Variants in SLC35F3 observed in about 807,000 individuals in gnomAD.
SLC35F3 encodes putative thiamine transporter SLC35F3.
In SLC35F3, 25 loss-of-function variants were observed where a neutral mutation model predicts 49.9. The ratio of observed to expected loss-of-function variants is 0.50; its 90% CI spans 0.37 to 0.70. The LOEUF is 0.70. Ranked by LOEUF, SLC35F3 falls within the 30% of genes least tolerant of loss-of-function variation. The pLI is 0.00. For synonymous variants in SLC35F3, 275 were observed against 265.4 expected (o/e 1.04, Z -0.35); for missense variants, 525 against 639.8 (o/e 0.82, Z 1.94).
At chr1:234,049,159 T>C (rs550559865) in intron 2 of SLC35F3, among the ~76,000 whole-genome samples, 56 of 152,316 alleles carry the variant, frequency 3.7e-4, no homozygotes, top group African/African-American at 1.3e-3. Flanking sequence ...AATTTTGCAT[T>C]TGAGAAGGAC....
At chr1:234,157,193 T>C (rs1023052587) in intron 2 of SLC35F3, among the ~76,000 whole-genome samples, 4 of 152,202 alleles carry the variant, frequency 2.6e-5, no homozygotes, top group Non-Finnish European at 4.4e-5. Context: ...AAAATCTGTA[T>C]GTTTTACCTC....
intron 2 of SLC35F3, among the ~76,000 whole-genome samples, chr1:234,157,889 C>G (rs567622690): frequency 1.4e-4 from 21 of 152,174 alleles, no homozygotes; most frequent in African/African-American, 5.1e-4. Flanking sequence ...TGTTGTTTGA[C>G]TTTTTTTTCT....
chr1:234,116,355 A>T (rs11588938), intron 2 of SLC35F3, among the ~76,000 whole-genome samples: 21,065 of 152,166 alleles, frequency 0.14, 3,190 homozygotes, highest in East Asian at 0.81. Context: ...CTGTGTGCCA[A>T]GACTCAGTCA....
chr1:233,966,869 G>A (rs1662913685), intron 2 of SLC35F3, among the ~76,000 whole-genome samples: 1 of 152,202 alleles, frequency 6.6e-6, no homozygotes, highest in South Asian at 2.1e-4. Flanking sequence ...TGGAGGCAAA[G>A]CATCAGTGCT....
At chr1:234,211,402 A>G (rs1273574251) in intron 2 of SLC35F3, among the ~76,000 whole-genome samples, 2 of 152,222 alleles carry the variant, frequency 1.3e-5, no homozygotes, top group Non-Finnish European at 2.9e-5. Flanking sequence ...CTGTGCCTGG[A>G]AAAGCCACAG....
chr1:234,199,604 C>T (rs1350363350), intron 2 of SLC35F3, among the ~76,000 whole-genome samples: 1 of 152,102 alleles, frequency 6.6e-6, no homozygotes, highest in African/African-American at 2.4e-5. Flanking sequence ...TTGGTTGACT[C>T]CAAAAGCATA....
chr1:234,284,716 G>A (rs1668390049), intron 3 of SLC35F3, among the ~76,000 whole-genome samples: 1 of 152,152 alleles, frequency 6.6e-6, no homozygotes, highest in African/African-American at 2.4e-5. Flanking sequence ...CCTTCCAAAT[G>A]CAGGCATCCA....
intron 3 of SLC35F3, among the ~76,000 whole-genome samples, chr1:234,247,722 C>T (rs1433611186): frequency 6.7e-6 from 1 of 149,990 alleles, no homozygotes; most frequent in Non-Finnish European, 1.5e-5. Context: ...TTGGCTGGTC[C>T]ATTGTTTGGT....
rs374192783 is a variant in SLC35F3 at position 233,962,519 on chromosome 1, C to G, written c.283+56761C>G. Among the ~76,000 whole-genome samples, 35 of 152,312 alleles carry G rather than the reference C, an allele frequency of 2.3e-4. No individual in the cohort carries two copies. The South Asian group carries it at 6.4e-3, about 28-fold the overall frequency. ...AAATTAAGTCCAATGGAATCTTGCT[C>G]TTTGTGAGGGGCTTATATGCAGAGT... On this transcript the variant is annotated intron_variant, in intron 2 of 7. Coordinates refer to ENST00000366618, the MANE Select transcript of SLC35F3 (RefSeq NM_173508.4).
intron 2 of SLC35F3, among the ~76,000 whole-genome samples, chr1:233,959,701 C>G (rs1662761884): frequency 6.6e-6 from 1 of 152,178 alleles, no homozygotes; most frequent in African/African-American, 2.4e-5. Flanking sequence ...TCTTTCTTAT[C>G]TTCTAAGTTT....
intron 2 of SLC35F3, among the ~76,000 whole-genome samples, chr1:234,140,109 C>T (rs188479857): frequency 5.3e-5 from 8 of 151,858 alleles, no homozygotes; most frequent in East Asian, 3.9e-4. Context: ...ATGGATATGC[C>T]GGACAAAGGG....
At chr1:234,042,365 T>C (rs1664233887) in intron 2 of SLC35F3, among the ~76,000 whole-genome samples, 1 of 152,200 alleles carries the variant, frequency 6.6e-6, no homozygotes, top group African/African-American at 2.4e-5. Flanking sequence ...ATTCTGTCTC[T>C]AAAGAAAGGC....
Position 234,316,723 on chromosome 1 carries a change from A to G in SLC35F3, c.950A>G (p.Tyr317Cys). Residue 317 changes from tyrosine (Y) to cysteine (C), a missense_variant, in exon 5 of 8, where the codon TAC becomes TGC. By Grantham distance (194) the Tyr-to-Cys change is radical. This residue lies in a region of SLC35F3 where 216 missense variants were observed against 298.1 expected (regional missense o/e 0.72). Coordinates refer to ENST00000366618, the MANE Select transcript of SLC35F3 (RefSeq NM_173508.4). ...VVASASMSAL[Y>C]KVLFKLLLGS... ...GCCTCAGCATCGATGTCTGCCCTCT[A>G]CAAGGTACGCCCGGGGAGTGAACTT... 1.2e-6 allele frequency: 2 copies of G among 1,606,486 alleles called. No individual in the cohort carries two copies. Among genetic ancestry groups the G allele is most frequent in the South Asian group, 1.1e-5 (1 of 90,840 alleles).
chr1:234,019,236 T>A (rs1663853839), intron 2 of SLC35F3, among the ~76,000 whole-genome samples: 1 of 152,160 alleles, frequency 6.6e-6, no homozygotes, highest in Non-Finnish European at 1.5e-5. Flanking sequence ...AGGAAGCATG[T>A]CTCTCCTGAA....
rs1034513619 is a variant in SLC35F3, at chr1:234,295,925, ACT to A, written c.609-13173_609-13172del. On this transcript the variant is annotated intron_variant, in intron 3 of 7. Coordinates refer to ENST00000366618, the MANE Select transcript of SLC35F3 (RefSeq NM_173508.4). Reference sequence around the variant, plus strand: ...AAAGGAGCCAAGTAAAGGTCCACACACTCTGCTGTGTCTTCTCCACTCTGGGA... The same window carrying A: ...AAAGGAGCCAAGTAAAGGTCCACACACTGCTGTGTCTTCTCCACTCTGGGA... Among the ~76,000 whole-genome samples the A allele has an allele frequency of 7.2e-5, 11 of 152,072 alleles. 1 individual carries two copies. The highest frequency in any genetic ancestry group is 6.5e-4 in the Admixed American group (10 of 15,278).
At chr1:233,993,990 A>C (rs1663409332) in intron 2 of SLC35F3, among the ~76,000 whole-genome samples, 1 of 152,208 alleles carries the variant, frequency 6.6e-6, no homozygotes, top group Admixed American at 6.5e-5. Context: ...AGAGTGAAAA[A>C]TATAAAGTAA....
intron 3 of SLC35F3, among the ~76,000 whole-genome samples, chr1:234,254,060 TG>T (rs1321277668): frequency 6.6e-6 from 1 of 152,208 alleles, no homozygotes; most frequent in Non-Finnish European, 1.5e-5. Context: ...CCCTCCCATG[TG>T]GGAAAAATTA....
chr1:234,280,115 T>C (rs1027712539), intron 3 of SLC35F3, among the ~76,000 whole-genome samples: 2 of 152,224 alleles, frequency 1.3e-5, no homozygotes, highest in Non-Finnish European at 2.9e-5. Flanking sequence ...AACATTTGCC[T>C]TCCCTTCCCA....
chr1:233,963,022 C>A (rs1315303689), intron 2 of SLC35F3, among the ~76,000 whole-genome samples: 1 of 152,192 alleles, frequency 6.6e-6, no homozygotes, highest in African/African-American at 2.4e-5. Context: ...GGGGATGTGT[C>A]CCAGACCCTC....
Sources: allele counts gnomAD v4.1 joint callset (sites outside exome capture counted in the v4.1 genomes callset), GRCh38; gene constraint gnomAD v4.1.1; regional missense constraint gnomAD v4.1.1; transcripts MANE v1.5; gene names NCBI Gene and HGNC (gene_info 2026-07-23, HGNC 2026-07-21).